The following UBAP1 variants were observed in gnomAD, a reference collection of about 807,000 sequenced individuals.
The protein encoded by UBAP1 is ubiquitin-associated protein 1.
In UBAP1, 5 loss-of-function variants were observed where a neutral mutation model predicts 39.0. The ratio of observed to expected loss-of-function variants is 0.13; its 90% CI spans 0.07 to 0.27. The LOEUF (loss-of-function observed/expected upper bound fraction) is 0.27, where lower values mean the gene tolerates loss of function less well. Among genes scored for constraint, UBAP1 ranks in the 10% least tolerant of loss-of-function variants. The pLI, the probability that UBAP1 is intolerant of heterozygous loss-of-function variation, is 1.00. For missense variants in UBAP1, 490 were observed against 608.1 expected (o/e 0.81, Z 2.04); for synonymous variants, 211 against 225.1 (o/e 0.94, Z 0.56).
chr9:34,213,805 TAAAAG>T (rs1275534320), intron 1 of UBAP1, among the ~76,000 whole-genome samples: 1 of 151,874 alleles, frequency 6.6e-6, no homozygotes, highest in Non-Finnish European at 1.5e-5. Flanking sequence ...CTAGAACTGA[TAAAAG>T]AATTCAGCAA....
At chr9:34,239,519 T>C (rs750912751) in intron 3 of UBAP1, among the ~76,000 whole-genome samples, 1 of 152,200 alleles carries the variant, frequency 6.6e-6, no homozygotes, top group Non-Finnish European at 1.5e-5. Context: ...TTCTTTAGAG[T>C]GAGCCAGTAA....
At chr9:34,179,797 T>C (rs1010286269) in intron 1 of UBAP1, among the ~76,000 whole-genome samples, 5 of 152,162 alleles carry the variant, frequency 3.3e-5, no homozygotes, top group Non-Finnish European at 7.3e-5. Context: ...GGCTTACCTA[T>C]ACAGTCCACC....
At chr9:34,196,890 AT>A (rs1316553703) in intron 1 of UBAP1, among the ~76,000 whole-genome samples, 1 of 134,914 alleles carries the variant, frequency 7.4e-6, no homozygotes, top group Non-Finnish European at 1.6e-5. Flanking sequence ...TCTTTCTAAT[AT>A]TGTTATTTGT....
At chr9:34,226,024 A>G (rs537276812) in intron 2 of UBAP1, among the ~76,000 whole-genome samples, 3 of 151,770 alleles carry the variant, frequency 2.0e-5, no homozygotes, top group East Asian at 3.9e-4. Context: ...GATGAGTTTG[A>G]GGATAAGTAT....
At chr9:34,186,929 T>C (rs561486028) in intron 1 of UBAP1, among the ~76,000 whole-genome samples, 133 of 152,222 alleles carry the variant, frequency 8.7e-4, no homozygotes, top group African/African-American at 3.0e-3. Flanking sequence ...TTTTTTGAGA[T>C]GGAGTTTCGC....
At chr9:34,210,428 A>C (rs1270593509) in intron 1 of UBAP1, among the ~76,000 whole-genome samples, 1 of 152,198 alleles carries the variant, frequency 6.6e-6, no homozygotes, top group South Asian at 2.1e-4. Flanking sequence ...ATAAAAATTT[A>C]CGTTTTCTGG....
intron 1 of UBAP1, among the ~76,000 whole-genome samples, chr9:34,193,184 C>T (rs1394928726): frequency 6.6e-6 from 1 of 151,962 alleles, no homozygotes; most frequent in African/African-American, 2.4e-5. Flanking sequence ...GTGGTATGCA[C>T]CTAGAATCCC....
intron 2 of UBAP1, chr9:34,224,246 C>T: frequency 2.1e-6 from 1 of 486,746 alleles, no homozygotes; most frequent in Admixed American, 3.5e-5. Flanking sequence ...TTTCTTGTGG[C>T]CCAGGGGTAG....
At position 34,250,831 on chromosome 9, in the gene UBAP1, T is replaced by G. The variant is rs141962596; in HGVS notation, c.1368+72T>G. 20 of 1,318,846 alleles carry G rather than the reference T, an allele frequency of 1.5e-5. No homozygotes were observed. The African/African-American group carries it at 2.6e-4, about 17-fold the overall frequency. The allele number at this position is 1,318,846 out of a possible 1,614,324, so 81.7% of individuals were successfully genotyped here. A position where few individuals can be genotyped will look rare whatever the true frequency, so the allele number is the denominator to read the frequency against. ...CAAGTATCCATCCTGGTTTTCTCCC[T>G]TGGCCCACACACAACCTTTTTGCTT... On this transcript the variant is annotated intron_variant, in intron 6 of 6. Transcript: ENST00000297661.
At chr9:34,197,130 G>A (rs1283253078) in intron 1 of UBAP1, among the ~76,000 whole-genome samples, 1 of 152,022 alleles carries the variant, frequency 6.6e-6, no homozygotes, top group African/African-American at 2.4e-5. Context: ...GTTTCACTAT[G>A]TTGGCCAGGC....
chr9:34,218,145 C>T (rs1289494053), intron 1 of UBAP1, among the ~76,000 whole-genome samples: 4 of 148,582 alleles, frequency 2.7e-5, no homozygotes, highest in African/African-American at 5.0e-5. Context: ...CCAGCTACTC[C>T]GGAGGCTGAG....
intron 1 of UBAP1, among the ~76,000 whole-genome samples, chr9:34,189,258 G>A (rs1830583404): frequency 6.7e-6 from 1 of 150,288 alleles, no homozygotes; most frequent in African/African-American, 2.5e-5. Flanking sequence ...GTGCGATCTT[G>A]ACTCATTGCA....
intron 2 of UBAP1, among the ~76,000 whole-genome samples, chr9:34,232,666 A>G (rs748656608): frequency 2.3e-4 from 35 of 151,540 alleles, no homozygotes; most frequent in South Asian, 1.0e-3. Context: ...TGACAAGATT[A>G]CAAATATTTT....
chr9:34,227,011 T>C (rs1833144632), intron 2 of UBAP1, among the ~76,000 whole-genome samples: 1 of 152,258 alleles, frequency 6.6e-6, no homozygotes. Flanking sequence ...CCCTGTCTGA[T>C]GTTTACAATA....
In UBAP1 at chr9:34,251,719, G is replaced by A; in HGVS notation, c.*187G>A. 4.8e-6 allele frequency: 3 copies of A among 630,876 alleles called. No individual in the cohort carries two copies. The highest frequency in any genetic ancestry group is 8.1e-6 in the Non-Finnish European group (3 of 369,648). The allele number at this position is 630,876 out of a possible 1,614,324, so 39.1% of individuals were successfully genotyped here. A position where few individuals can be genotyped will look rare whatever the true frequency, so the allele number is the denominator to read the frequency against. On this transcript the variant is annotated 3_prime_UTR_variant, in exon 7 of 7. Transcript: ENST00000297661. ...AGCTGGGGAGGTGGGGAAGATTCGG[G>A]CATGTGAGTGCCCCCAGAACTGTCC...
chr9:34,219,309 G>A (rs1832528005), intron 1 of UBAP1, among the ~76,000 whole-genome samples: 1 of 151,976 alleles, frequency 6.6e-6, no homozygotes, highest in African/African-American at 2.4e-5. Flanking sequence ...GCTGGTCTTC[G>A]AACTCCTGGG....
intron 2 of UBAP1, among the ~76,000 whole-genome samples, chr9:34,227,264 T>TA (rs1833155174): frequency 1.3e-5 from 2 of 152,172 alleles, no homozygotes; most frequent in African/African-American, 4.8e-5. Context: ...TTGCCAGTGT[T>TA]ACCTGGCTTG....
chr9:34,184,926 CTTTTTTTTTT>C (rs35634769), intron 1 of UBAP1, among the ~76,000 whole-genome samples: 2 of 105,032 alleles, frequency 1.9e-5, no homozygotes, highest in Non-Finnish European at 3.9e-5. Context: ...CCAGCCAATC[CTTTTTTTTTT>C]TTTTTTTTTT....
At chr9:34,205,946 C>T (rs1014083264) in intron 1 of UBAP1, among the ~76,000 whole-genome samples, 10 of 152,128 alleles carry the variant, frequency 6.6e-5, no homozygotes, top group African/African-American at 1.2e-4. Flanking sequence ...GAGCCAAGAT[C>T]GTGCCACTGC....
Sources: allele counts gnomAD v4.1 joint callset (sites outside exome capture counted in the v4.1 genomes callset), GRCh38; gene constraint gnomAD v4.1.1; transcripts MANE v1.5; gene names NCBI Gene and HGNC (gene_info 2026-07-23, HGNC 2026-07-21).